CAPN2: variants seen among roughly 807,000 people sequenced by gnomAD.
CAPN2 encodes calpain-2 catalytic subunit.
In CAPN2, 92 loss-of-function variants were observed where a neutral mutation model predicts 102.3. That is an observed-to-expected ratio of 0.90 (90% CI 0.76 to 1.07). The LOEUF is 1.07. Ranked by LOEUF, CAPN2 falls within the 50% of genes least tolerant of loss-of-function variation. The pLI is 0.00. For missense variants in CAPN2, 800 were observed against 909.4 expected (o/e 0.88, Z 1.55); for synonymous variants, 340 against 355.4 (o/e 0.96, Z 0.49).
chr1:223,756,155 T>G lies in CAPN2; in HGVS notation c.1305+506T>G, dbSNP rs1661031148. 6.6e-6 allele frequency among the ~76,000 whole-genome samples: 1 copy of G among 152,080 alleles called. No individual in the cohort carries two copies. The highest frequency in any genetic ancestry group is 1.5e-5 in the Non-Finnish European group (1 of 68,002). On this transcript the variant is annotated intron_variant, in intron 10 of 20. Coordinates refer to ENST00000295006, the MANE Select transcript of CAPN2 (RefSeq NM_001748.5). This position sits in a 1 kb window ranked among gnomAD's most constrained non-coding sequence, Gnocchi z 4.1. ...CTGGAGCCCAGATCCCTACACAGAC[T>G]CCTGCTGTATGCGTGTTTTCCTTTC... is the stretch of plus-strand genomic sequence containing the variant.
chr1:223,715,468 C>T (rs1659853414), intron 1 of CAPN2, among the ~76,000 whole-genome samples: 1 of 151,916 alleles, frequency 6.6e-6, no homozygotes, highest in Non-Finnish European at 1.5e-5. Context: ...AAACAGGATC[C>T]CTGAGGAAGT....
chr1:223,767,008 G>A (rs1661353664), intron 16 of CAPN2, among the ~76,000 whole-genome samples: 1 of 151,634 alleles, frequency 6.6e-6, no homozygotes, highest in Non-Finnish European at 1.5e-5. Context: ...CATTCCTGGG[G>A]CTGGTGCGGG....
chr1:223,712,521 C>G, upstream of CAPN2: 1 of 1,220,034 alleles, frequency 8.2e-7, no homozygotes. Flanking sequence ...AATCATCGCT[C>G]GCAGCGGCGG....
chr1:223,764,643 AG>A (rs1661269117), intron 15 of CAPN2, among the ~76,000 whole-genome samples: 1 of 152,216 alleles, frequency 6.6e-6, no homozygotes, highest in South Asian at 2.1e-4. Context: ...TAGTAAAGAC[AG>A]GGTTTCACCA....
chr1:223,775,023 G>T lies in CAPN2; in HGVS notation c.*166G>T, dbSNP rs1011378631. ...ATACTGTCAATTTGAGATAGCAGAA[G>T]TTTCACACATCAAAGTAAAAGATTT... On this transcript the variant is annotated 3_prime_UTR_variant, in exon 21 of 21. Transcript: ENST00000295006. 1.9e-5 allele frequency: 12 copies of T among 642,610 alleles called. No homozygotes were observed. The highest frequency in any genetic ancestry group is 5.7e-5 in the Admixed American group (2 of 34,892). 39.8% of individuals were successfully genotyped at this position (642,610 alleles called of 1,614,324 possible).
chr1:223,720,953 C>T (rs1042142062), intron 2 of CAPN2, among the ~76,000 whole-genome samples: 9 of 152,204 alleles, frequency 5.9e-5, no homozygotes, highest in African/African-American at 2.2e-4. Flanking sequence ...CCTGCGCTTT[C>T]TACCCTGAGC....
rs1168641790 is a variant in CAPN2 at position 223,717,736 on chromosome 1, C to T, written c.238-26C>T. On this transcript the variant is annotated intron_variant, in intron 1 of 20. Transcript: ENST00000295006. ...CAGAAGCACCTGGCTGGTAGGCTAA[C>T]AGCACTTTGTGGGTCTCGTTCCCAG... 12 of 1,606,214 alleles carry T rather than the reference C, an allele frequency of 7.5e-6. No individual in the cohort carries two copies. The East Asian group carries it at 2.2e-4, about 30-fold the overall frequency.
intron 20 of CAPN2, 95 bp downstream of exon 20, chr1:223,772,334 C>A: frequency 9.4e-7 from 1 of 1,059,296 alleles, no homozygotes; most frequent in Admixed American, 1.8e-5. Context: ...TCAAGTTTTG[C>A]TTTAAAGAGC....
At chr1:223,717,646 C>A in intron 1 of CAPN2, 116 bp from the exon 2 acceptor site, 3 of 786,162 alleles carry the variant, frequency 3.8e-6, no homozygotes, top group East Asian at 5.2e-5. Flanking sequence ...CACACTTTCC[C>A]CAGAGGGGAG....
chr1:223,716,265 T>G (rs1363026275), intron 1 of CAPN2, among the ~76,000 whole-genome samples: 3 of 152,232 alleles, frequency 2.0e-5, no homozygotes, highest in African/African-American at 7.2e-5. Context: ...ATTAGAAAGT[T>G]TCTGAAGTAT....
rs1660330683 is a variant in CAPN2 at position 223,731,365 on chromosome 1, A to G, written c.308-12735A>G. Among the ~76,000 whole-genome samples, 1 of 151,960 alleles carries G rather than the reference A, an allele frequency of 6.6e-6. No homozygotes were observed. The highest frequency in any genetic ancestry group is 1.5e-5 in the Non-Finnish European group (1 of 67,970). ...TCCAGTTCCCAATGCCCAGCCCCAC[A>G]ATGCCCGTCCTGCTGCCTGCCTGTT... On this transcript the variant is annotated intron_variant, in intron 2 of 20. Transcript: ENST00000295006. This position sits in a 1 kb window ranked among gnomAD's most constrained non-coding sequence, Gnocchi z 4.2.
chr1:223,745,178 C>T, intron 3 of CAPN2, 128 bp from the exon 4 acceptor site: 1 of 1,212,034 alleles, frequency 8.3e-7, no homozygotes, highest in South Asian at 1.4e-5. Flanking sequence ...AAGGGAGCAC[C>T]TCCTCCCAGG....
intron 17 of CAPN2, 52 bp downstream of exon 17, chr1:223,769,961 A>T: frequency 7.5e-7 from 1 of 1,330,370 alleles, no homozygotes; most frequent in East Asian, 2.5e-5. Flanking sequence ...TTCTGTTCAT[A>T]TGCTTTAAGA....
rs1558071408 is a variant in CAPN2 at position 223,749,134 on chromosome 1, C to G, written c.813+12C>G. 1 of 1,611,758 alleles carries G rather than the reference C, an allele frequency of 6.2e-7. No individual in the cohort carries two copies. The highest frequency in any genetic ancestry group is 1.7e-5 in the Admixed American group (1 of 60,004). On this transcript the variant is annotated intron_variant, in intron 6 of 20. Transcript: ENST00000295006. ...CCGGAGCCGAGGAGGTAACGGCCGGCGCGGATGTGCAGGGGTCCTGCTGTC... is the reference window on the plus strand; with the variant it reads ...CCGGAGCCGAGGAGGTAACGGCCGGGGCGGATGTGCAGGGGTCCTGCTGTC...
At chr1:223,757,595 C>T (rs780351192) in intron 11 of CAPN2, 28 of 566,364 alleles carry the variant, frequency 4.9e-5, no homozygotes, top group Admixed American at 1.2e-4. Flanking sequence ...TTGTGGGACC[C>T]GCTGCCTCCC....
chr1:223,768,704 T>C (rs1185377187), intron 16 of CAPN2, among the ~76,000 whole-genome samples: 4 of 151,406 alleles, frequency 2.6e-5, no homozygotes, highest in East Asian at 3.9e-4. Flanking sequence ...TTTAAAGTAG[T>C]TTTTTCCAAT....
chr1:223,749,345 A>C (rs368506346), intron 6 of CAPN2: 15 of 592,640 alleles, frequency 2.5e-5, no homozygotes, highest in East Asian at 2.0e-4. Context: ...GGCCGGCGCC[A>C]GGGGCCCTGG....
In CAPN2 at chr1:223,749,070, C is replaced by G. The variant is rs1257516895; in HGVS notation, c.761C>G (p.Thr254Arg). 6 of 1,614,008 alleles carry G rather than the reference C, an allele frequency of 3.7e-6. No homozygotes were observed. The highest frequency in any genetic ancestry group is 8.5e-7 in the Non-Finnish European group (1 of 1,179,976). ...AGCGCCGCGGACTCGGAGGCCATCACGTTTCAGAAGCTGGTGAAGGGGCAC... is the reference window on the plus strand; with the variant it reads ...AGCGCCGCGGACTCGGAGGCCATCAGGTTTCAGAAGCTGGTGAAGGGGCAC... The part of the protein sequence containing the change: ...ITSAADSEAI[T>R]FQKLVKGHAY... The change falls in exon 6 of 21, where the codon ACG (threonine) becomes AGG (arginine). Residue 254 changes from threonine (T) to arginine (R), a missense_variant. Transcript: ENST00000295006.
Position 223,759,492 on chromosome 1 carries a change from T to C in CAPN2, c.1529+11T>C. On this transcript the variant is annotated intron_variant, in intron 12 of 20. Transcript: ENST00000295006. The surrounding 1 kb of genome is among the most constrained non-coding windows in gnomAD (Gnocchi z 4.6). ...GAAAGCTGACTACCAGTAGGCGGTT[T>C]GGTCCCTTCCTCTCCCCACCCTTCC... 6.2e-7 allele frequency: 1 copy of C among 1,612,394 alleles called. No individual in the cohort carries two copies. Among genetic ancestry groups the C allele is most frequent in the African/African-American group, 1.3e-5 (1 of 75,028 alleles).
Sources: allele counts gnomAD v4.1 joint callset (sites outside exome capture counted in the v4.1 genomes callset), GRCh38; gene constraint gnomAD v4.1.1; non-coding constraint Gnocchi (gnomAD v3.1); transcripts MANE v1.5; gene names NCBI Gene and HGNC (gene_info 2026-07-23, HGNC 2026-07-21).